CSMD2: variants seen among roughly 807,000 people sequenced by gnomAD.
CSMD2 encodes the protein CUB and Sushi multiple domains 2.
CSMD2 carries 130 observed loss-of-function variants against 398.5 expected under a neutral mutation model. That is an observed-to-expected ratio of 0.33 (90% CI 0.28 to 0.38). The LOEUF (loss-of-function observed/expected upper bound fraction) is 0.38, where lower values mean the gene tolerates loss of function less well. Ranked by LOEUF, CSMD2 falls within the 10% of genes least tolerant of loss-of-function variation. CSMD2 has a pLI of 1.00. For missense variants in CSMD2, 3,829 were observed against 4,764.9 expected (o/e 0.80, Z 5.78); for synonymous variants, 1,828 against 1,908.5 (o/e 0.96, Z 1.10).
chr1:33,785,245 G>A (rs1420454661), intron 12 of CSMD2, among the ~76,000 whole-genome samples: 1 of 152,222 alleles, frequency 6.6e-6, no homozygotes, highest in Non-Finnish European at 1.5e-5. Flanking sequence ...ATGGACAAAT[G>A]AACTTGTGAA....
chr1:34,048,286 C>T (rs1253907821), intron 2 of CSMD2, among the ~76,000 whole-genome samples: 1 of 152,202 alleles, frequency 6.6e-6, no homozygotes, highest in Non-Finnish European at 1.5e-5. Flanking sequence ...TTAGTGACAT[C>T]ACCCATTTAG....
At position 33,580,833 on chromosome 1, in the gene CSMD2, G is replaced by T; in HGVS notation, c.7307C>A (p.Thr2436Asn). ...SGNYSAPLIV[T>N]SSSNSVYLRW... ...CAGGTACACAGAGTTGCTTGAGCTG[G>T]TGACAATCAGGGGAGCTGAGTAATT... Residue 2436 changes from threonine to asparagine, a missense_variant, in exon 48 of 71, where the codon ACC becomes AAC. By Grantham distance (65) the Thr-to-Asn change is moderately conservative. Coordinates refer to ENST00000373381, the MANE Select transcript of CSMD2 (RefSeq NM_001281956.2). 1 of 1,614,176 alleles carries T rather than the reference G, an allele frequency of 6.2e-7. No individual in the cohort carries two copies. Among genetic ancestry groups the T allele is most frequent in the East Asian group, 2.2e-5 (1 of 44,858 alleles).
intron 5 of CSMD2, among the ~76,000 whole-genome samples, chr1:33,866,953 T>C (rs1273537579): frequency 6.6e-6 from 1 of 152,258 alleles, no homozygotes; most frequent in Non-Finnish European, 1.5e-5. Flanking sequence ...CTAAATCTAA[T>C]AGGTAATATA....
chr1:33,970,355 C>G (rs973964660), intron 3 of CSMD2, among the ~76,000 whole-genome samples: 2 of 152,114 alleles, frequency 1.3e-5, no homozygotes, highest in Admixed American at 6.5e-5. Flanking sequence ...TTCTCCCTCC[C>G]TCAGGAATCC....
intron 1 of CSMD2, among the ~76,000 whole-genome samples, chr1:34,099,828 T>G (rs986218901): frequency 2.0e-5 from 3 of 152,184 alleles, no homozygotes; most frequent in Admixed American, 6.5e-5. Flanking sequence ...CCCTGCTGCA[T>G]CCCTAGTGCC....
At chr1:34,162,614 T>C (rs1339226623) in intron 1 of CSMD2, among the ~76,000 whole-genome samples, 1 of 151,984 alleles carries the variant, frequency 6.6e-6, no homozygotes, top group Non-Finnish European at 1.5e-5. Flanking sequence ...AGCCCAGCAC[T>C]TTGGGAGGCA....
Position 33,610,962 on chromosome 1 carries a change from T to C in CSMD2, c.6343+79A>G. The C allele has an allele frequency of 3.6e-6, 5 of 1,387,812 alleles. No individual in the cohort carries two copies. The South Asian group carries it at 6.1e-5, about 17-fold the overall frequency. The allele number at this position is 1,387,812 out of a possible 1,614,324, so 86.0% of individuals were successfully genotyped here. On this transcript the variant is annotated intron_variant, in intron 41 of 70. Coordinates refer to ENST00000373381, the MANE Select transcript of CSMD2 (RefSeq NM_001281956.2). ...TTATGGTGTTCTGTTTTCCCCCACA[T>C]GGAAGGCTGGGAAGGTGGGTGGCTG...
intron 6 of CSMD2, among the ~76,000 whole-genome samples, chr1:33,833,665 G>A (rs1328072830): frequency 6.6e-6 from 1 of 150,550 alleles, no homozygotes; most frequent in Non-Finnish European, 1.5e-5. Flanking sequence ...AATCAGGCAG[G>A]AGAAGGAAAT....
At chr1:33,964,241 C>A (rs56144859) in intron 3 of CSMD2, among the ~76,000 whole-genome samples, 36,733 of 151,930 alleles carry the variant, frequency 0.24, 5,514 homozygotes, top group Non-Finnish European at 0.34. Context: ...TGGGACTTAA[C>A]CTCTCTATGT....
chr1:33,519,996 G>A lies in CSMD2; in HGVS notation c.10598-46C>T, dbSNP rs1176243234. On this transcript the variant is annotated intron_variant, in intron 68 of 70. Transcript: ENST00000373381. This position sits in a 1 kb window ranked among gnomAD's most constrained non-coding sequence, Gnocchi z 5.6. Reference sequence around the variant, plus strand: ...AAAGTCAAGTCACGAGACACAGTCTGAGGCTCCGTTGGCTACCCTCCCCGA... The same window carrying A: ...AAAGTCAAGTCACGAGACACAGTCTAAGGCTCCGTTGGCTACCCTCCCCGA... 3 of 1,608,538 alleles carry A rather than the reference G, an allele frequency of 1.9e-6. No individual in the cohort carries two copies. The highest frequency in any genetic ancestry group is 3.3e-5 in the Admixed American group (2 of 59,892).
chr1:33,659,742 A>G (rs1363203078), intron 26 of CSMD2, among the ~76,000 whole-genome samples: 1 of 152,212 alleles, frequency 6.6e-6, no homozygotes, highest in East Asian at 1.9e-4. Context: ...GTCACTAATT[A>G]TAACCTCTGG....
At chr1:33,576,215 A>T (rs1660056667) in intron 49 of CSMD2, among the ~76,000 whole-genome samples, 1 of 152,250 alleles carries the variant, frequency 6.6e-6, no homozygotes, top group African/African-American at 2.4e-5. Context: ...CCAAATGACC[A>T]ACAAGAGAAT....
chr1:33,624,413 C>G lies in CSMD2; in HGVS notation c.5625+106G>C. 1 of 1,441,580 alleles carries G rather than the reference C, an allele frequency of 6.9e-7. No homozygotes were observed. Among genetic ancestry groups the G allele is most frequent in the Non-Finnish European group, 9.5e-7 (1 of 1,055,534 alleles). 89.3% of individuals were successfully genotyped at this position (1,441,580 alleles called of 1,614,324 possible). ...GCTGATATGTCTCTTCCTGGCTCAC[C>G]CTGACTCAGGCCTTGGCACCAGCCA... On this transcript the variant is annotated intron_variant, in intron 35 of 70. Coordinates refer to ENST00000373381, the MANE Select transcript of CSMD2 (RefSeq NM_001281956.2). This position sits in a 1 kb window ranked among gnomAD's most constrained non-coding sequence, Gnocchi z 4.7.
chr1:33,544,642 T>A (rs1397883347), intron 57 of CSMD2, among the ~76,000 whole-genome samples: 1 of 151,514 alleles, frequency 6.6e-6, no homozygotes, highest in Non-Finnish European at 1.5e-5. Context: ...GAAAAACAGA[T>A]AATAGAGCCT....
intron 2 of CSMD2, among the ~76,000 whole-genome samples, chr1:34,034,200 CCT>C (rs1650819567): frequency 6.6e-6 from 1 of 152,084 alleles, no homozygotes; most frequent in Admixed American, 6.6e-5. Context: ...ACCTATTTGC[CCT>C]GTCAGTCTTC....
chr1:33,975,668 A>G (rs1420301415), intron 3 of CSMD2, among the ~76,000 whole-genome samples: 2 of 151,854 alleles, frequency 1.3e-5, no homozygotes, highest in Non-Finnish European at 2.9e-5. Context: ...AGGAACCACC[A>G]GGGGGGAGGG....
intron 3 of CSMD2, among the ~76,000 whole-genome samples, chr1:33,982,611 T>C (rs561833825): frequency 3.9e-5 from 6 of 152,284 alleles, no homozygotes; most frequent in African/African-American, 1.4e-4. Flanking sequence ...TCAATTCATG[T>C]TGAATGACTG....
At chr1:34,162,454 T>G (rs937758666) in intron 1 of CSMD2, among the ~76,000 whole-genome samples, 5 of 152,176 alleles carry the variant, frequency 3.3e-5, no homozygotes, top group African/African-American at 1.2e-4. Flanking sequence ...ATGAATGTGT[T>G]TCCCCTTCTA....
At chr1:33,599,910 T>A (rs1640097905) in intron 44 of CSMD2, 1 of 517,958 alleles carries the variant, frequency 1.9e-6, no homozygotes, top group Non-Finnish European at 3.4e-6. Flanking sequence ...TAACACTGTA[T>A]AGTCACACCA....
Sources: gnomAD v4.1 joint callset for allele counts (sites outside exome capture counted in the v4.1 genomes callset) on GRCh38, gnomAD v4.1.1 for gene constraint, Gnocchi (gnomAD v3.1) non-coding constraint, MANE v1.5 for transcripts, NCBI Gene and HGNC (gene_info 2026-07-23, HGNC 2026-07-21) for gene names.